Variants in GABRB3 observed in about 807,000 individuals in gnomAD.
GABRB3 encodes gamma-aminobutyric acid receptor subunit beta-3.
GABRB3 carries 14 observed loss-of-function variants against 52.1 expected under a neutral mutation model. The ratio of observed to expected loss-of-function variants is 0.27; its 90% CI spans 0.18 to 0.42. The LOEUF (loss-of-function observed/expected upper bound fraction) is 0.42, where lower values mean the gene tolerates loss of function less well. Ranked by LOEUF, GABRB3 falls within the 10% of genes least tolerant of loss-of-function variation. The pLI is 1.00. For missense variants in GABRB3, 307 were observed against 609.1 expected, an observed-to-expected ratio of 0.50 and a Z score of 5.22; for synonymous variants, 260 against 232.3, an observed-to-expected ratio of 1.12 and a Z score of -1.08.
At chr15:26,586,704 A>AGAG (rs1555368943) in intron 4 of GABRB3, among the ~76,000 whole-genome samples, 120 of 102,298 alleles carry the variant, frequency 1.2e-3, no homozygotes, top group Middle Eastern at 6.6e-3. Flanking sequence ...AAAAAAAAAA[A>AGAG]AGAGAGAGAG....
chr15:26,761,282 C>T (rs2140183668), intron 3 of GABRB3, among the ~76,000 whole-genome samples: 1 of 152,026 alleles, frequency 6.6e-6, no homozygotes, highest in Admixed American at 6.6e-5. Flanking sequence ...GTAGACCCAG[C>T]TACTTGGGAG....
At chr15:26,732,321 G>C (rs1264531378) in intron 3 of GABRB3, among the ~76,000 whole-genome samples, 4 of 148,942 alleles carry the variant, frequency 2.7e-5, no homozygotes, top group Non-Finnish European at 5.9e-5. Context: ...TGGATGGATG[G>C]ATGGATGGAT....
At chr15:26,641,608 A>G (rs1893202458) in intron 3 of GABRB3, among the ~76,000 whole-genome samples, 1 of 152,230 alleles carries the variant, frequency 6.6e-6, no homozygotes, top group Non-Finnish European at 1.5e-5. Flanking sequence ...CCTGACAGGT[A>G]GATCACATCT....
intron 3 of GABRB3, among the ~76,000 whole-genome samples, chr15:26,721,743 T>C (rs1474141035): frequency 1.3e-5 from 2 of 151,796 alleles, no homozygotes; most frequent in African/African-American, 4.8e-5. Flanking sequence ...CCACCTCAAA[T>C]GTCTACAGTG....
intron 3 of GABRB3, among the ~76,000 whole-genome samples, chr15:26,715,755 G>A (rs1889446940): frequency 6.6e-6 from 1 of 152,100 alleles, no homozygotes; most frequent in Non-Finnish European, 1.5e-5. Context: ...GATGCATCCC[G>A]TGCCTGAATC....
intron 3 of GABRB3, chr15:26,625,020 C>T: frequency 6.3e-6 from 6 of 956,502 alleles, no homozygotes; most frequent in East Asian, 1.2e-4. Context: ...TATCCTATAT[C>T]GATGAAGTAA....
chr15:26,750,924 A>T (rs1890489220), intron 3 of GABRB3, among the ~76,000 whole-genome samples: 1 of 152,182 alleles, frequency 6.6e-6, no homozygotes, highest in Non-Finnish European at 1.5e-5. Context: ...TTATTTTCAG[A>T]TTTCATTATG....
At chr15:26,636,650 A>T (rs578181368) in intron 3 of GABRB3, among the ~76,000 whole-genome samples, 10 of 152,334 alleles carry the variant, frequency 6.6e-5, no homozygotes, top group Admixed American at 5.9e-4. Context: ...CCAAATTTTT[A>T]AATCAAACTC....
At chr15:26,573,445 C>CA (rs1435499651) in intron 6 of GABRB3, among the ~76,000 whole-genome samples, 5 of 152,166 alleles carry the variant, frequency 3.3e-5, no homozygotes, top group Non-Finnish European at 7.3e-5. Flanking sequence ...CTCAACCAGA[C>CA]AATGAGTCCT....
intron 3 of GABRB3, among the ~76,000 whole-genome samples, chr15:26,727,452 C>A (rs1889803982): frequency 6.6e-6 from 1 of 152,166 alleles, no homozygotes; most frequent in Non-Finnish European, 1.5e-5. Flanking sequence ...ATTTGGCCAT[C>A]AGGAGACCCT....
intron 3 of GABRB3, among the ~76,000 whole-genome samples, chr15:26,731,703 C>T (rs1383959871): frequency 1.3e-5 from 2 of 152,224 alleles, no homozygotes; most frequent in African/African-American, 4.8e-5. Flanking sequence ...CTGATACTAA[C>T]TGCAAATGGT....
chr15:26,649,239 C>T (rs1887113944), intron 3 of GABRB3, among the ~76,000 whole-genome samples: 1 of 152,106 alleles, frequency 6.6e-6, no homozygotes. Context: ...GCTCTGCCCT[C>T]ACAAAAGGGA....
rs572507694 is a variant in GABRB3, at chr15:26,731,118, T to C, written c.240+41284A>G. On this transcript the variant is annotated intron_variant, in intron 3 of 8. Transcript: ENST00000311550. ...TATTTTCAACAAATCAATGACTATT[T>C]TCATACAAAGATTATAATTGACATT... 1.2e-3 allele frequency among the ~76,000 whole-genome samples: 183 copies of C among 152,278 alleles called. 1 individual carries two copies. The highest frequency in any genetic ancestry group is 4.1e-3 in the South Asian group (20 of 4,820).
intron 3 of GABRB3, among the ~76,000 whole-genome samples, chr15:26,734,858 G>T (rs1002989783): frequency 2.6e-5 from 4 of 151,046 alleles, no homozygotes; most frequent in Admixed American, 1.3e-4. Flanking sequence ...TGAGGCTGCA[G>T]TGAGCTGTGA....
chr15:26,673,977 G>A (rs1301124397), intron 3 of GABRB3, among the ~76,000 whole-genome samples: 1 of 151,984 alleles, frequency 6.6e-6, no homozygotes, highest in Non-Finnish European at 1.5e-5. Flanking sequence ...TCTATAAAAC[G>A]TGTTATCTGG....
intron 3 of GABRB3, among the ~76,000 whole-genome samples, chr15:26,647,043 C>A (rs967914449): frequency 6.6e-6 from 1 of 152,108 alleles, no homozygotes; most frequent in African/African-American, 2.4e-5. Context: ...CGGGGTTTCA[C>A]CTTGTTAGCC....
intron 3 of GABRB3, among the ~76,000 whole-genome samples, chr15:26,664,653 G>A (rs1007628213): frequency 6.6e-6 from 1 of 150,514 alleles, no homozygotes; most frequent in African/African-American, 2.4e-5. Flanking sequence ...TCAAACCACG[G>A]TAATGGGGTA....
chr15:26,631,980 G>T (rs1566784336), intron 3 of GABRB3, among the ~76,000 whole-genome samples: 1 of 152,190 alleles, frequency 6.6e-6, no homozygotes, highest in African/African-American at 2.4e-5. Context: ...ACAATCTAGT[G>T]GGGAGAAAGA....
chr15:26,584,746 T>C (rs953006176), intron 4 of GABRB3, among the ~76,000 whole-genome samples: 13 of 152,318 alleles, frequency 8.5e-5, no homozygotes, highest in African/African-American at 2.9e-4. Context: ...AGCTGCTTCT[T>C]TGAAAACGCA....
Sources: allele counts gnomAD v4.1 joint callset (sites outside exome capture counted in the v4.1 genomes callset), GRCh38; gene constraint gnomAD v4.1.1; transcripts MANE v1.5; gene names NCBI Gene and HGNC (gene_info 2026-07-23, HGNC 2026-07-21).